SMARCC1: variants seen among roughly 807,000 people sequenced by gnomAD.
SMARCC1 encodes SWI/SNF complex subunit SMARCC1.
Under a neutral mutation model 147.4 loss-of-function variants are expected in SMARCC1, and 43 were observed. The ratio of observed to expected loss-of-function variants is 0.29; its 90% confidence interval spans 0.23 to 0.38. SMARCC1 has a LOEUF of 0.38. Ranked by LOEUF, SMARCC1 falls within the 10% of genes least tolerant of loss-of-function variation. The pLI, the probability that SMARCC1 is intolerant of heterozygous loss-of-function variation, is 1.00. For synonymous variants in SMARCC1, 495 were observed against 484.4 expected (o/e 1.02, Z -0.29); for missense variants, 1,119 against 1,381.1 (o/e 0.81, Z 3.01).
At chr3:47,698,110 T>C (rs2033875730) in intron 11 of SMARCC1, among the ~76,000 whole-genome samples, 1 of 135,022 alleles carries the variant, frequency 7.4e-6, no homozygotes, top group Non-Finnish European at 1.6e-5. Context: ...GCCAACACAT[T>C]AAAAAAAAAA....
In SMARCC1 at chr3:47,676,517, A is replaced by G. The variant is rs1440835847; in HGVS notation, c.1725+112T>C. Reference sequence around the variant, plus strand: ...ATACACACACAAGCAAGGATCAAAGAAATAGCACTAATAATAGCATTATAG... The same window carrying G: ...ATACACACACAAGCAAGGATCAAAGGAATAGCACTAATAATAGCATTATAG... On this transcript the variant is annotated intron_variant, in intron 17 of 27. Coordinates refer to ENST00000254480, the MANE Select transcript of SMARCC1 (RefSeq NM_003074.4). 8 of 766,788 alleles carry G rather than the reference A, an allele frequency of 1.0e-5. No individual in the cohort carries two copies. The Admixed American group carries it at 2.2e-4, about 21-fold the overall frequency. 47.5% of individuals were successfully genotyped at this position (766,788 alleles called of 1,614,324 possible).
At chr3:47,624,315 G>C (rs1463439201) in intron 24 of SMARCC1, among the ~76,000 whole-genome samples, 1 of 151,832 alleles carries the variant, frequency 6.6e-6, no homozygotes, top group Non-Finnish European at 1.5e-5. Context: ...TAAAATAAAA[G>C]AGGCAGCAGG....
chr3:47,743,468 G>A (rs1467009301), intron 3 of SMARCC1, among the ~76,000 whole-genome samples: 3 of 151,612 alleles, frequency 2.0e-5, no homozygotes, highest in East Asian at 1.9e-4. Flanking sequence ...CACTGCACCC[G>A]GCCTGTATTA....
chr3:47,739,637 T>G (rs2034485493), intron 3 of SMARCC1, among the ~76,000 whole-genome samples: 1 of 152,026 alleles, frequency 6.6e-6, no homozygotes, highest in Non-Finnish European at 1.5e-5. Flanking sequence ...CCTGGCCCAG[T>G]TATAATTTTC....
At chr3:47,646,088 G>A (rs1396265734) in intron 21 of SMARCC1, among the ~76,000 whole-genome samples, 1 of 152,142 alleles carries the variant, frequency 6.6e-6, no homozygotes, top group Non-Finnish European at 1.5e-5. Flanking sequence ...GGGAGGCCGA[G>A]GCGTGAGGAT....
chr3:47,587,872 G>C lies in SMARCC1; in HGVS notation c.*337C>G. On this transcript the variant is annotated 3_prime_UTR_variant, in exon 28 of 28. Coordinates refer to ENST00000254480, the MANE Select transcript of SMARCC1 (RefSeq NM_003074.4). ...TAAGACAAAGCAAAAAACTGCAAGA[G>C]AGCAAAAATGGTAAAGACATAGCAT... 1 of 264,224 alleles carries C rather than the reference G, an allele frequency of 3.8e-6. No homozygotes were observed. The highest frequency in any genetic ancestry group is 7.2e-6 in the Non-Finnish European group (1 of 138,272). The allele number at this position is 264,224 out of a possible 1,614,324, so 16.4% of individuals were successfully genotyped here.
intron 2 of SMARCC1, among the ~76,000 whole-genome samples, chr3:47,771,035 C>A (rs1219725128): frequency 2.0e-5 from 3 of 152,102 alleles, no homozygotes; most frequent in African/African-American, 4.8e-5. Context: ...CTCAGCCTCC[C>A]AAGGAGCTGG....
intron 5 of SMARCC1, among the ~76,000 whole-genome samples, chr3:47,734,768 G>A (rs1480133773): frequency 6.6e-6 from 1 of 152,122 alleles, no homozygotes; most frequent in East Asian, 1.9e-4. Context: ...GCTTGAGGGG[G>A]CAGAATTTTT....
intron 23 of SMARCC1, 78 bp downstream of exon 23, chr3:47,635,944 T>C (rs567628131): frequency 2.8e-6 from 2 of 722,448 alleles, no homozygotes; most frequent in Non-Finnish European, 4.7e-6. Flanking sequence ...AGGAAATATT[T>C]CTATATAAAC....
At chr3:47,681,410 CA>C (rs1375005208) in intron 14 of SMARCC1, among the ~76,000 whole-genome samples, 1 of 152,116 alleles carries the variant, frequency 6.6e-6, no homozygotes, top group Non-Finnish European at 1.5e-5. Context: ...TACATTTTAA[CA>C]ATATATGCAA....
chr3:47,637,540 C>T (rs778496119), intron 22 of SMARCC1, among the ~76,000 whole-genome samples: 10 of 152,210 alleles, frequency 6.6e-5, no homozygotes, highest in Middle Eastern at 3.4e-3. Flanking sequence ...AGTGAAACCA[C>T]GTCTCTACTA....
chr3:47,699,599 T>G (rs891334487), intron 11 of SMARCC1, among the ~76,000 whole-genome samples: 2 of 152,046 alleles, frequency 1.3e-5, no homozygotes, highest in African/African-American at 4.8e-5. Context: ...TCTATACATA[T>G]GTATATTGCT....
Position 47,604,362 on chromosome 3 carries a change from A to C in SMARCC1, c.3043+5704T>G, listed in dbSNP as rs537189675. 1.1e-5 allele frequency: 5 copies of C among 450,334 alleles called. No homozygotes were observed. The East Asian group carries it at 3.5e-4, about 31-fold the overall frequency. The allele number at this position is 450,334 out of a possible 1,614,324, so 27.9% of individuals were successfully genotyped here. On this transcript the variant is annotated intron_variant, in intron 26 of 27. Transcript: ENST00000254480. ...CAACCTTACTGGCATTCAGAAGCTG[A>C]TTATTCCCATCATATATCATAAAGT...
At chr3:47,659,282 T>TAAAAAAAAAAAAAAA (rs541415627) in intron 21 of SMARCC1, among the ~76,000 whole-genome samples, 2 of 123,292 alleles carry the variant, frequency 1.6e-5, no homozygotes, top group Non-Finnish European at 1.8e-5. Context: ...AAATAAAAAA[T>TAAAAAAAAAAAAAAA]AAAAAAAAAA....
In SMARCC1 at chr3:47,662,457, C is replaced by T; in HGVS notation, c.2035G>A (p.Gly679Arg). 6.2e-7 allele frequency: 1 copy of T among 1,614,076 alleles called. No homozygotes were observed. The highest frequency in any genetic ancestry group is 8.5e-7 in the Non-Finnish European group (1 of 1,180,006). ...PYLENSDASL[G>R]PLAYQPVPFS... ...GGGACAGGCTGGTAGGCCAAAGGCC[C>T]AAGGGAAGCATCTGAATTCTCAAGG... Residue 679 changes from glycine (G) to arginine (R), a missense_variant, in exon 20 of 28, where the codon GGG (glycine) becomes AGG (arginine). This residue lies in a region of SMARCC1 where 178 missense variants were observed against 264.6 expected (regional missense o/e 0.67). Coordinates refer to ENST00000254480, the MANE Select transcript of SMARCC1 (RefSeq NM_003074.4).
At position 47,728,034 on chromosome 3, in the gene SMARCC1, C is replaced by T. The variant is rs188736511; in HGVS notation, c.646+991G>A. On this transcript the variant is annotated intron_variant, in intron 6 of 27. Transcript: ENST00000254480. ...CTCAGCCTCCAGAGGAGCTGGAATACAGGCACGTATCACCACACCCGGATT... is the reference window on the plus strand; with the variant it reads ...CTCAGCCTCCAGAGGAGCTGGAATATAGGCACGTATCACCACACCCGGATT... Among the ~76,000 whole-genome samples, 100 of 148,450 alleles carry T rather than the reference C, an allele frequency of 6.7e-4. 1 individual carries two copies. The highest frequency in any genetic ancestry group is 2.4e-3 in the African/African-American group (96 of 40,312).
chr3:47,586,110 A>C lies in SMARCC1; in HGVS notation c.*2099T>G, dbSNP rs1379616644. 1 of 152,612 alleles carries C rather than the reference A, an allele frequency of 6.6e-6. No homozygotes were observed. Among genetic ancestry groups the C allele is most frequent in the East Asian group, 1.9e-4 (1 of 5,202 alleles). The allele number at this position is 152,612 out of a possible 1,614,324, so 9.5% of individuals were successfully genotyped here. Reference sequence around the variant, plus strand: ...AACCAGATCAAAGACATGAAAAGAAAAAGCCACCACTTATACTGAAATATA... The same window carrying C: ...AACCAGATCAAAGACATGAAAAGAACAAGCCACCACTTATACTGAAATATA... On this transcript the variant is annotated 3_prime_UTR_variant, in exon 28 of 28. Transcript: ENST00000254480.
Position 47,725,315 on chromosome 3 carries a change from G to A in SMARCC1, c.646+3710C>T, listed in dbSNP as rs187180233. On this transcript the variant is annotated intron_variant, in intron 6 of 27. Coordinates refer to ENST00000254480, the MANE Select transcript of SMARCC1 (RefSeq NM_003074.4). Reference sequence around the variant, plus strand: ...AGACTGCTGGTTGTCAAGGACTAACGTGGGAGAAGGGAAAGTGACTGCTAA... The same window carrying A: ...AGACTGCTGGTTGTCAAGGACTAACATGGGAGAAGGGAAAGTGACTGCTAA... Among the ~76,000 whole-genome samples, 127 of 152,114 alleles carry A rather than the reference G, an allele frequency of 8.3e-4. 1 individual carries two copies. In the East Asian group the frequency reaches 0.022, roughly 26 times the overall value.
chr3:47,738,106 T>C lies in SMARCC1; in HGVS notation c.406A>G (p.Arg136Gly). 1 of 1,549,940 alleles carries C rather than the reference T, an allele frequency of 6.5e-7. No individual in the cohort carries two copies. Among genetic ancestry groups the C allele is most frequent in the South Asian group, 1.3e-5 (1 of 79,198 alleles). Residue 136 changes from arginine to glycine, a missense_variant, in exon 4 of 28, where the codon AGG becomes GGG. Arg to Gly is a moderately radical substitution (Grantham distance 125, BLOSUM62 -2). This residue lies in a region of SMARCC1 where 542 missense variants were observed against 611.8 expected (regional missense o/e 0.89). Coordinates refer to ENST00000254480, the MANE Select transcript of SMARCC1 (RefSeq NM_003074.4). ...YKYKNEQGWR[R>G]FDLQNPSRMD... is the part of the protein sequence containing the mutation. Reference sequence around the variant, plus strand: ...CGAGATGGGTTCTGTAGGTCAAACCTCCGCCTAAAAAAAAAGAAAAACCCT... The same window carrying C: ...CGAGATGGGTTCTGTAGGTCAAACCCCCGCCTAAAAAAAAAGAAAAACCCT...
Sources: gnomAD v4.1 joint callset for allele counts (sites outside exome capture counted in the v4.1 genomes callset) on GRCh38, gnomAD v4.1.1 for gene constraint, gnomAD v4.1.1 regional missense constraint, MANE v1.5 for transcripts, NCBI Gene and HGNC (gene_info 2026-07-23, HGNC 2026-07-21) for gene names.